BAZ2B: variants seen among roughly 807,000 people sequenced by gnomAD.
BAZ2B encodes the protein bromodomain adjacent to zinc finger domain 2B.
In BAZ2B, 91 loss-of-function variants were observed where a neutral mutation model predicts 246.0. The ratio of observed to expected loss-of-function variants is 0.37; its 90% CI spans 0.31 to 0.44. The LOEUF (loss-of-function observed/expected upper bound fraction) is 0.44, where lower values mean the gene tolerates loss of function less well. Ranked by LOEUF, BAZ2B falls within the 20% of genes least tolerant of loss-of-function variation. The pLI, the probability that BAZ2B is intolerant of heterozygous loss-of-function variation, is 1.00. For missense variants in BAZ2B, 2,332 were observed against 2,533.7 expected (o/e 0.92, Z 1.71); for synonymous variants, 855 against 860.0 (o/e 0.99, Z 0.10).
chr2:159,584,894 G>A (rs1336726361), intron 1 of BAZ2B, among the ~76,000 whole-genome samples: 1 of 152,090 alleles, frequency 6.6e-6, no homozygotes, highest in Admixed American at 6.5e-5. Context: ...ATAGCACCTG[G>A]CCCTCTCTCG....
At chr2:159,509,864 T>A (rs140260127) in intron 2 of BAZ2B, among the ~76,000 whole-genome samples, 1 of 152,268 alleles carries the variant, frequency 6.6e-6, no homozygotes, top group Non-Finnish European at 1.5e-5. Flanking sequence ...CATGTATATA[T>A]GAGCAACTGT....
chr2:159,384,535 A>G (rs538245403), intron 23 of BAZ2B, among the ~76,000 whole-genome samples: 3 of 152,248 alleles, frequency 2.0e-5, no homozygotes, highest in African/African-American at 7.2e-5. Context: ...AAAATAATGA[A>G]TAACAAGGAC....
chr2:159,395,356 A>G (rs1311780418), intron 20 of BAZ2B: 1 of 152,986 alleles, frequency 6.5e-6, no homozygotes, highest in African/African-American at 2.4e-5. Context: ...AAAAGTACTT[A>G]GCCTAATTTT....
At chr2:159,575,364 T>A (rs1460197979) in intron 1 of BAZ2B, among the ~76,000 whole-genome samples, 1 of 152,082 alleles carries the variant, frequency 6.6e-6, no homozygotes, top group Non-Finnish European at 1.5e-5. Context: ...TAAAATATAC[T>A]GGATAAAAAA....
chr2:159,638,193 C>T, the BAZ2B span, among the ~76,000 whole-genome samples: 2 of 152,240 alleles, frequency 1.3e-5, no homozygotes, highest in Non-Finnish European at 2.9e-5. Context: ...ATACCTTAGG[C>T]ATGAGTCCAC....
intron 8 of BAZ2B, chr2:159,433,792 T>C (rs2071598181): frequency 6.2e-6 from 1 of 162,328 alleles, no homozygotes; most frequent in Non-Finnish European, 1.3e-5. Flanking sequence ...TGAGCTCTTT[T>C]ACCTCTTTAT....
chr2:159,492,042 AT>A (rs560972838), intron 2 of BAZ2B, among the ~76,000 whole-genome samples: 11 of 152,292 alleles, frequency 7.2e-5, no homozygotes, highest in Admixed American at 7.2e-4. Flanking sequence ...TAACAACAAA[AT>A]TATACTGAAA....
intron 22 of BAZ2B, 60 bp from the exon 23 acceptor site, chr2:159,385,429 T>A: frequency 7.1e-7 from 1 of 1,411,680 alleles, no homozygotes; most frequent in Admixed American, 1.8e-5. Flanking sequence ...ATAAAAACAA[T>A]AAGATTAAAA....
At chr2:159,505,712 G>A (rs1257048331) in intron 2 of BAZ2B, among the ~76,000 whole-genome samples, 3 of 152,060 alleles carry the variant, frequency 2.0e-5, no homozygotes, top group African/African-American at 7.3e-5. Context: ...TGGATGAAAA[G>A]GTCCCATAAG....
At chr2:159,567,168 G>A (rs764390032) in intron 1 of BAZ2B, among the ~76,000 whole-genome samples, 5 of 150,758 alleles carry the variant, frequency 3.3e-5, no homozygotes, top group Non-Finnish European at 5.9e-5. Context: ...GCTTGAACCC[G>A]GGAAGCAGAG....
At chr2:159,452,197 T>G (rs2075187246) in intron 4 of BAZ2B, among the ~76,000 whole-genome samples, 1 of 152,210 alleles carries the variant, frequency 6.6e-6, no homozygotes, top group South Asian at 2.1e-4. Context: ...GAAACAGTAC[T>G]TGAAACACAC....
chr2:159,680,113 C>T, the BAZ2B span, among the ~76,000 whole-genome samples: 1 of 152,030 alleles, frequency 6.6e-6, no homozygotes, highest in Admixed American at 6.5e-5. Flanking sequence ...CAAGACTGAG[C>T]AAGAAAAACT....
At chr2:159,707,901 G>C in the BAZ2B span, among the ~76,000 whole-genome samples, 1 of 152,164 alleles carries the variant, frequency 6.6e-6, no homozygotes. Context: ...TGAGGCAGAA[G>C]AATCACTTGA....
At chr2:159,477,875 T>A (rs1205121909) in intron 3 of BAZ2B, among the ~76,000 whole-genome samples, 1 of 152,188 alleles carries the variant, frequency 6.6e-6, no homozygotes, top group African/African-American at 2.4e-5. Flanking sequence ...CAGGCTGGAA[T>A]GCAATGGCGC....
chr2:159,694,671 T>C, the BAZ2B span: 2 of 152,234 alleles, frequency 1.3e-5, no homozygotes, highest in Non-Finnish European at 2.9e-5. Context: ...ACTTCATTCC[T>C]TTTTAAGGCT....
At chr2:159,657,621 T>C in the BAZ2B span, among the ~76,000 whole-genome samples, 2 of 152,208 alleles carry the variant, frequency 1.3e-5, no homozygotes, top group African/African-American at 2.4e-5. Context: ...TTTACTTAGA[T>C]CTTTGATTTC....
intron 2 of BAZ2B, among the ~76,000 whole-genome samples, chr2:159,508,436 T>C (rs1404041181): frequency 6.6e-6 from 1 of 152,308 alleles, no homozygotes; most frequent in East Asian, 1.9e-4. Flanking sequence ...GTTACAATTA[T>C]ATGCTCTATA....
the BAZ2B span, among the ~76,000 whole-genome samples, chr2:159,674,904 C>A: frequency 6.6e-6 from 1 of 152,146 alleles, no homozygotes; most frequent in South Asian, 2.1e-4. Context: ...GCAAAAATTT[C>A]TTGAGCTCTA....
intron 1 of BAZ2B, among the ~76,000 whole-genome samples, chr2:159,590,211 A>C (rs1170830965): frequency 3.6e-5 from 5 of 138,050 alleles, no homozygotes; most frequent in South Asian, 2.2e-4. Context: ...AAAAAAAAAA[A>C]AAAAAAAAAA....
Sources: gnomAD v4.1 joint callset for allele counts (sites outside exome capture counted in the v4.1 genomes callset) on GRCh38, gnomAD v4.1.1 for gene constraint, MANE v1.5 for transcripts, NCBI Gene and HGNC (gene_info 2026-07-23, HGNC 2026-07-21) for gene names.